Variants in CSMD3 observed in about 807,000 individuals in gnomAD.
CSMD3 encodes CUB and sushi domain-containing protein 3.
A neutral mutation model predicts 435.2 loss-of-function variants in CSMD3; 177 were observed. The ratio of observed to expected loss-of-function variants is 0.41; its 90% confidence interval spans 0.36 to 0.46. CSMD3 has a LOEUF of 0.46. Ranked by LOEUF, CSMD3 falls within the 20% of genes least tolerant of loss-of-function variation. CSMD3 has a pLI of 0.34. For missense variants in CSMD3, 4,265 were observed against 4,504.6 expected, an observed-to-expected ratio of 0.95 and a Z score of 1.52; for synonymous variants, 1,656 against 1,520.5, an observed-to-expected ratio of 1.09 and a Z score of -2.07.
intron 30 of CSMD3, among the ~76,000 whole-genome samples, chr8:112,497,031 C>G (rs748882216): frequency 1.3e-5 from 2 of 152,110 alleles, no homozygotes; most frequent in African/African-American, 4.8e-5. Flanking sequence ...AGTTATTACA[C>G]ATTGTATACC....
In CSMD3 at chr8:112,224,881, T is replaced by C. The variant is rs545318429; in HGVS notation, c.11014A>G (p.Asn3672Asp). 25 of 1,614,122 alleles carry C rather than the reference T, an allele frequency of 1.5e-5. No homozygotes were observed. In the South Asian group the frequency reaches 2.6e-4, roughly 17 times the overall value. ...YTGCSVHENN[N>D]GQAAFENPMY... ...GGATTTTCAAAAGCTGCTTGGCCAT[T>C]GTTATTTTCATGAACTGAACATCCT... The change falls in exon 71 of 71, where the codon AAT (asparagine) becomes GAT (aspartate). Residue 3672 changes from asparagine (N) to aspartate (D), a missense_variant. By Grantham distance (23) the Asn-to-Asp change is conservative. Around this residue, in one of 3 missense-constraint regions of CSMD3, gnomAD observed 3,255 missense variants for 3,380.2 expected, o/e 0.96. Coordinates refer to ENST00000297405, the MANE Select transcript of CSMD3 (RefSeq NM_198123.2).
chr8:112,807,916 A>G (rs567221932), intron 12 of CSMD3, among the ~76,000 whole-genome samples: 1 of 152,304 alleles, frequency 6.6e-6, no homozygotes, highest in South Asian at 2.1e-4. Flanking sequence ...TACCTAATAA[A>G]GTAACCCCTA....
intron 13 of CSMD3, among the ~76,000 whole-genome samples, chr8:112,724,562 A>C (rs2076925817): frequency 6.6e-6 from 1 of 152,086 alleles, no homozygotes; most frequent in South Asian, 2.1e-4. Context: ...CAGTTTGGTA[A>C]AAAATCAATT....
chr8:113,236,098 C>T (rs1264162383), intron 3 of CSMD3, among the ~76,000 whole-genome samples: 1 of 152,132 alleles, frequency 6.6e-6, no homozygotes, highest in Non-Finnish European at 1.5e-5. Context: ...TAAGCTTTTC[C>T]TCATTTGAAT....
intron 4 of CSMD3, among the ~76,000 whole-genome samples, chr8:113,139,783 G>A (rs1282271518): frequency 6.6e-6 from 1 of 150,996 alleles, no homozygotes; most frequent in Non-Finnish European, 1.5e-5. Context: ...TTGGAAAGCA[G>A]GACTCAACCA....
chr8:112,900,952 G>A (rs941009628), intron 10 of CSMD3, among the ~76,000 whole-genome samples: 1 of 151,220 alleles, frequency 6.6e-6, no homozygotes, highest in Non-Finnish European at 1.5e-5. Flanking sequence ...TTCTCCTTAA[G>A]ATAGGGATAC....
chr8:112,926,182 C>A (rs2082903160), intron 9 of CSMD3, among the ~76,000 whole-genome samples: 1 of 152,082 alleles, frequency 6.6e-6, no homozygotes, highest in Admixed American at 6.6e-5. Context: ...TGTGCTTTCA[C>A]TGTATTAACT....
At chr8:112,908,227 G>C (rs2082314807) in intron 10 of CSMD3, among the ~76,000 whole-genome samples, 1 of 151,386 alleles carries the variant, frequency 6.6e-6, no homozygotes, top group African/African-American at 2.4e-5. Context: ...AATGTTATTA[G>C]AAGGGTATAT....
chr8:112,580,523 G>T (rs1830264111), intron 23 of CSMD3, among the ~76,000 whole-genome samples: 3 of 131,210 alleles, frequency 2.3e-5, no homozygotes, highest in African/African-American at 8.9e-5. Context: ...AAACATGCTT[G>T]CAGAAAAGAG....
chr8:112,911,332 A>G (rs2082405303), intron 10 of CSMD3, among the ~76,000 whole-genome samples: 1 of 151,902 alleles, frequency 6.6e-6, no homozygotes, highest in Non-Finnish European at 1.5e-5. Flanking sequence ...ATATTTGTCT[A>G]CTTGTGAAAA....
intron 1 of CSMD3, among the ~76,000 whole-genome samples, chr8:113,432,749 G>A (rs2094682624): frequency 1.3e-5 from 2 of 152,176 alleles, no homozygotes; most frequent in Admixed American, 6.5e-5. Flanking sequence ...CTGGAGAAAG[G>A]GAGCTTCCTC....
chr8:112,277,736 T>C (rs1818214464), intron 59 of CSMD3, among the ~76,000 whole-genome samples: 1 of 152,038 alleles, frequency 6.6e-6, no homozygotes, highest in South Asian at 2.1e-4. Context: ...TGGGGAGGCC[T>C]CACAATTATA....
At chr8:112,969,331 C>T (rs2084552429) in intron 7 of CSMD3, among the ~76,000 whole-genome samples, 1 of 151,900 alleles carries the variant, frequency 6.6e-6, no homozygotes, top group East Asian at 1.9e-4. Flanking sequence ...ACGTTTTATG[C>T]TGAATTAACC....
intron 16 of CSMD3, among the ~76,000 whole-genome samples, chr8:112,676,794 C>T (rs1243397039): frequency 6.6e-6 from 1 of 152,192 alleles, no homozygotes; most frequent in East Asian, 1.9e-4. Context: ...ACTTAGTCCT[C>T]ACTGCTTGAC....
At chr8:112,722,541 C>A (rs2076880933) in intron 13 of CSMD3, among the ~76,000 whole-genome samples, 1 of 152,048 alleles carries the variant, frequency 6.6e-6, no homozygotes, top group Non-Finnish European at 1.5e-5. Flanking sequence ...AGATGTGTTT[C>A]TGTGTGCATG....
intron 12 of CSMD3, among the ~76,000 whole-genome samples, chr8:112,804,673 TTA>T (rs1305096827): frequency 7.1e-5 from 10 of 141,710 alleles, no homozygotes; most frequent in Admixed American, 3.6e-4. Flanking sequence ...TTATTTTATT[TTA>T]TTTTTTTTGA....
Position 112,241,718 on chromosome 8 carries a change from A to G in CSMD3, c.10468+2T>C. ...TCTAGAAAAACAAATGACATTACTAACCACTTAGCTTTGGGCTGGGTGTTC... is the reference window on the plus strand; with the variant it reads ...TCTAGAAAAACAAATGACATTACTAGCCACTTAGCTTTGGGCTGGGTGTTC... On this transcript the variant is annotated splice_donor_variant, in intron 66 of 70. Coordinates refer to ENST00000297405, the MANE Select transcript of CSMD3 (RefSeq NM_198123.2). LOFTEE classifies it high-confidence loss of function. 1.2e-6 allele frequency: 2 copies of G among 1,606,376 alleles called. No individual in the cohort carries two copies. The highest frequency in any genetic ancestry group is 1.7e-6 in the Non-Finnish European group (2 of 1,173,066).
At chr8:113,299,522 C>A (rs559802986) in intron 2 of CSMD3, among the ~76,000 whole-genome samples, 2 of 152,104 alleles carry the variant, frequency 1.3e-5, no homozygotes, top group East Asian at 3.9e-4. Flanking sequence ...GCATATTGAG[C>A]CTTTAATTGG....
intron 9 of CSMD3, among the ~76,000 whole-genome samples, chr8:112,942,394 C>A (rs1472493146): frequency 1.3e-5 from 2 of 151,594 alleles, no homozygotes; most frequent in African/African-American, 4.8e-5. Context: ...ATTGTTCTAC[C>A]ATAAAGGCAC....
Sources: gnomAD v4.1 joint callset for allele counts (sites outside exome capture counted in the v4.1 genomes callset) on GRCh38, gnomAD v4.1.1 for gene constraint, gnomAD v4.1.1 regional missense constraint, MANE v1.5 for transcripts, NCBI Gene and HGNC (gene_info 2026-07-23, HGNC 2026-07-21) for gene names.